The following STK26 variants were observed in gnomAD, a reference collection of about 807,000 sequenced individuals.
The protein encoded by STK26 is serine/threonine-protein kinase 26.
STK26 carries 14 observed loss-of-function variants against 34.7 expected under a neutral mutation model. The ratio of observed to expected loss-of-function variants is 0.40; its 90% CI spans 0.27 to 0.63. The LOEUF (loss-of-function observed/expected upper bound fraction) is 0.63. STK26 is among the 30% of genes least tolerant of loss of function. STK26 has a pLI of 0.38. For synonymous variants in STK26, 100 were observed against 109.8 expected, an observed-to-expected ratio of 0.91 and a Z score of 0.56; for missense variants, 226 against 309.1, an observed-to-expected ratio of 0.73 and a Z score of 2.02.
intron 2 of STK26, among the ~76,000 whole-genome samples, chrX:132,032,136 T>G (rs906087759): frequency 2.7e-5 from 3 of 112,013 alleles, no homozygotes; most frequent in African/African-American, 9.7e-5. Context: ...TTTTCTGGAC[T>G]TGTTCCAGCC....
intron 2 of STK26, among the ~76,000 whole-genome samples, chrX:132,024,004 T>C (rs1422980382): frequency 1.8e-5 from 2 of 110,630 alleles, no homozygotes; most frequent in Non-Finnish European, 3.8e-5. Context: ...GAGATGGAAG[T>C]GCCTTGGAAT....
At chrX:132,060,966 T>C (rs1927034711) in intron 3 of STK26, among the ~76,000 whole-genome samples, 1 of 111,604 alleles carries the variant, frequency 9.0e-6, no homozygotes, top group Non-Finnish European at 1.9e-5. Context: ...GATCTAGAAA[T>C]TGAGTAGTTG....
intron 3 of STK26, among the ~76,000 whole-genome samples, chrX:132,055,724 G>A (rs941346629): frequency 8.9e-6 from 1 of 112,211 alleles, no homozygotes. Context: ...GCCATTCAGG[G>A]TTTAAAAGGA....
chrX:132,057,044 C>T (rs1026206690), intron 3 of STK26, among the ~76,000 whole-genome samples: 1 of 112,110 alleles, frequency 8.9e-6, no homozygotes, highest in African/African-American at 3.2e-5. Context: ...GGGGTGTGAG[C>T]TAGCTCACTG....
intron 3 of STK26, 79 bp downstream of exon 3, chrX:132,054,940 T>C (rs1347237899): frequency 2.5e-5 from 22 of 878,416 alleles, no homozygotes; most frequent in Non-Finnish European, 3.5e-5. Flanking sequence ...TGAAAGGCAA[T>C]GTCTTAAATT....
intron 2 of STK26, among the ~76,000 whole-genome samples, chrX:132,040,749 C>T (rs1926236101): frequency 9.0e-6 from 1 of 111,530 alleles, no homozygotes; most frequent in African/African-American, 3.3e-5. Context: ...TAAGTGTCTT[C>T]ACCCTACAAT....
chrX:132,058,345 A>G (rs1926932189), intron 3 of STK26, among the ~76,000 whole-genome samples: 1 of 109,823 alleles, frequency 9.1e-6, no homozygotes, highest in South Asian at 3.9e-4. Context: ...TTCCAGACTC[A>G]CTCTAGGGCA....
chrX:132,042,394 A>G (rs1297525198), intron 2 of STK26, among the ~76,000 whole-genome samples: 2 of 111,012 alleles, frequency 1.8e-5, no homozygotes, highest in Admixed American at 9.6e-5. Context: ...TCAGCCCTGT[A>G]TTGTTAATGT....
chrX:132,061,160 G>T (rs984808965), intron 3 of STK26, among the ~76,000 whole-genome samples: 1 of 111,905 alleles, frequency 8.9e-6, no homozygotes, highest in Non-Finnish European at 1.9e-5. Context: ...AAATAGGCAG[G>T]CATGTTTTAT....
At chrX:132,050,327 T>G (rs980535363) in intron 2 of STK26, among the ~76,000 whole-genome samples, 1 of 111,975 alleles carries the variant, frequency 8.9e-6, no homozygotes, top group African/African-American at 3.2e-5. Context: ...TAGACTATAT[T>G]GGGTATAAAC....
chrX:132,029,400 G>C (rs777973335), intron 2 of STK26, among the ~76,000 whole-genome samples: 15 of 111,659 alleles, frequency 1.3e-4, no homozygotes, highest in Non-Finnish European at 2.6e-4. Flanking sequence ...ATCATCTGTG[G>C]AGTTGGAGCT....
At chrX:132,025,254 C>T (rs1261887302) in intron 2 of STK26, among the ~76,000 whole-genome samples, 1 of 111,714 alleles carries the variant, frequency 9.0e-6, no homozygotes, top group African/African-American at 3.3e-5. Context: ...CTCTGAGGGT[C>T]TCCATGCTTC....
intron 8 of STK26, among the ~76,000 whole-genome samples, chrX:132,072,011 T>C (rs1341229636): frequency 9.0e-6 from 1 of 110,985 alleles, no homozygotes; most frequent in Non-Finnish European, 1.9e-5. Context: ...ATTCAATAGG[T>C]GGGGAGTAGT....
At chrX:132,052,573 G>A (rs771129336) in intron 2 of STK26, among the ~76,000 whole-genome samples, 5 of 111,811 alleles carry the variant, frequency 4.5e-5, no homozygotes, top group South Asian at 7.4e-4. Flanking sequence ...ATGTGACCTC[G>A]TTTTAAAATT....
chrX:132,060,571 T>C (rs1927014236), intron 3 of STK26, among the ~76,000 whole-genome samples: 1 of 110,910 alleles, frequency 9.0e-6, no homozygotes, highest in South Asian at 3.8e-4. Flanking sequence ...TTGTGTTTTT[T>C]TTGTTTGTTT....
intron 2 of STK26, among the ~76,000 whole-genome samples, chrX:132,045,268 G>A (rs1284063102): frequency 1.8e-5 from 2 of 111,241 alleles, no homozygotes; most frequent in African/African-American, 6.5e-5. Context: ...GAACAATGGC[G>A]TGGTATATAA....
intron 4 of STK26, among the ~76,000 whole-genome samples, chrX:132,066,727 A>G (rs1007443696): frequency 8.9e-6 from 1 of 111,883 alleles, no homozygotes; most frequent in Non-Finnish European, 1.9e-5. Context: ...ATTTTTAAAA[A>G]CTTCTGTATT....
chrX:132,058,583 G>A (rs1294720550), intron 3 of STK26, among the ~76,000 whole-genome samples: 2 of 111,018 alleles, frequency 1.8e-5, no homozygotes, highest in Non-Finnish European at 3.8e-5. Flanking sequence ...CATATAGAGT[G>A]TTTTTTAAGT....
At chrX:132,059,149 A>G (rs1926963962) in intron 3 of STK26, among the ~76,000 whole-genome samples, 1 of 111,700 alleles carries the variant, frequency 9.0e-6, no homozygotes, top group African/African-American at 3.3e-5. Context: ...TCAAGGCCAC[A>G]TCCTCTTTGT....
Sources: gnomAD v4.1 joint callset for allele counts (sites outside exome capture counted in the v4.1 genomes callset) on GRCh38, gnomAD v4.1.1 for gene constraint, MANE v1.5 for transcripts, NCBI Gene and HGNC (gene_info 2026-07-23, HGNC 2026-07-21) for gene names.